SYTL5: variants seen among roughly 807,000 people sequenced by gnomAD.
SYTL5 encodes synaptotagmin like 5, also known as synaptotagmin-like protein 5.
SYTL5 carries 34 observed loss-of-function variants against 55.9 expected under a neutral mutation model. The observed-to-expected ratio is 0.61, with a 90% CI of 0.46 to 0.81. The LOEUF is 0.81. SYTL5 is among the 30% of genes least tolerant of loss of function. The probability of loss-of-function intolerance (pLI) is 0.00; values close to 1 mark genes in which losing one functional copy is unlikely to be tolerated. For synonymous variants in SYTL5, 221 were observed against 188.7 expected (o/e 1.17, Z -1.40); for missense variants, 637 against 546.7 (o/e 1.17, Z -1.65).
At position 38,079,249 on chromosome X, in the gene SYTL5, C is replaced by T. The variant is rs190138168; in HGVS notation, c.689+2548C>T. Among the ~76,000 whole-genome samples the T allele has an allele frequency of 8.4e-3, 936 of 111,682 alleles. 11 individuals carry two copies. Among genetic ancestry groups the T allele is most frequent in the African/African-American group, 0.029 (898 of 30,714 alleles). On this transcript the variant is annotated intron_variant, in intron 6 of 16. Transcript: ENST00000297875. ...TTTTTTCATGGATCATTGGTATTTT[C>T]ATGGAGCAGCTGGGCTTCGGCATTC...
intron 14 of SYTL5, 148 bp from the exon 15 acceptor site, chrX:38,121,932 A>T: frequency 1.9e-6 from 1 of 516,436 alleles, no homozygotes; most frequent in Non-Finnish European, 2.8e-6. Flanking sequence ...AAATGAATAA[A>T]AATATACAAT....
intron 4 of SYTL5, among the ~76,000 whole-genome samples, chrX:38,072,478 C>T (rs1382445907): frequency 8.9e-6 from 1 of 112,666 alleles, no homozygotes; most frequent in African/African-American, 3.2e-5. Flanking sequence ...TAACATAAAA[C>T]AGATGAATTA....
the SYTL5 span, among the ~76,000 whole-genome samples, chrX:37,956,186 G>T: frequency 8.9e-6 from 1 of 111,829 alleles, no homozygotes; most frequent in Non-Finnish European, 1.9e-5. Context: ...CCTAGTTGCT[G>T]GTTCTTGTCT....
chrX:37,934,541 C>T, the SYTL5 span, among the ~76,000 whole-genome samples: 2 of 108,916 alleles, frequency 1.8e-5, no homozygotes, highest in African/African-American at 6.7e-5. Context: ...GCCTAAGAGA[C>T]CTGTGGGACA....
the SYTL5 span, among the ~76,000 whole-genome samples, chrX:37,956,480 C>A: frequency 1.7e-4 from 19 of 112,189 alleles, no homozygotes; most frequent in Non-Finnish European, 3.0e-4. Context: ...AACTGCCACT[C>A]TAATTTCTGC....
chrX:37,899,675 A>G, the SYTL5 span, among the ~76,000 whole-genome samples: 1 of 111,785 alleles, frequency 8.9e-6, no homozygotes, highest in Non-Finnish European at 1.9e-5. Context: ...GCCCCATGAC[A>G]CTGGTGTGCT....
chrX:38,108,747 T>C (rs1937281032), intron 12 of SYTL5, 48 bp downstream of exon 12: 1 of 824,018 alleles, frequency 1.2e-6, no homozygotes, highest in East Asian at 3.4e-5. Flanking sequence ...TGTTCACAAC[T>C]TCAATGGTTT....
At chrX:38,042,617 A>T (rs1935320525) in intron 2 of SYTL5, among the ~76,000 whole-genome samples, 1 of 111,191 alleles carries the variant, frequency 9.0e-6, no homozygotes, top group Non-Finnish European at 1.9e-5. Context: ...ATTGGTATAG[A>T]GGTCATGTCT....
chrX:37,984,399 C>T, the SYTL5 span, among the ~76,000 whole-genome samples: 1 of 111,482 alleles, frequency 9.0e-6, no homozygotes, highest in Admixed American at 9.5e-5. Context: ...GGACAAATTA[C>T]TAGAAAGGCA....
upstream of SYTL5, among the ~76,000 whole-genome samples, chrX:38,002,943 A>G (rs1398676139): frequency 1.3e-4 from 14 of 111,789 alleles, no homozygotes; most frequent in Non-Finnish European, 2.4e-4. Flanking sequence ...GTCCTTGCCC[A>G]TGCCTATGTC....
At chrX:38,065,108 C>G (rs754125004) in intron 3 of SYTL5, among the ~76,000 whole-genome samples, 141 of 111,534 alleles carry the variant, frequency 1.3e-3, no homozygotes, top group African/African-American at 4.4e-3. Flanking sequence ...TTATATTTAA[C>G]TTTGCAAATC....
intron 2 of SYTL5, among the ~76,000 whole-genome samples, chrX:38,042,082 A>G (rs759787585): frequency 6.3e-5 from 7 of 111,102 alleles, no homozygotes; most frequent in South Asian, 7.7e-4. Flanking sequence ...TATATCTATT[A>G]TCTGTATCTA....
chrX:37,950,142 A>AT, the SYTL5 span, among the ~76,000 whole-genome samples: 1 of 111,348 alleles, frequency 9.0e-6, no homozygotes, highest in Non-Finnish European at 1.9e-5. Context: ...AGTTTGAAAG[A>AT]TTTTCTCTCA....
intron 6 of SYTL5, among the ~76,000 whole-genome samples, chrX:38,083,785 TG>T (rs1936599843): frequency 9.5e-6 from 1 of 105,196 alleles, no homozygotes; most frequent in Non-Finnish European, 1.9e-5. Context: ...TGTGTGTGTG[TG>T]TGTGTGTGTG....
In SYTL5 at chrX:38,042,641, G is replaced by T. The variant is rs1192270970; in HGVS notation, c.119+8633G>T. The stretch of plus-strand genomic sequence containing the variant: ...GAGGTCATGTCTCTAGGCAGCAGGG[G>T]TTAGTTGGCACTCACATCCCAAGAA... On this transcript the variant is annotated intron_variant, in intron 2 of 16. Transcript: ENST00000297875. 3.6e-5 allele frequency among the ~76,000 whole-genome samples: 4 copies of T among 110,867 alleles called. No individual in the cohort carries two copies. In the East Asian group the frequency reaches 1.1e-3, roughly 31 times the overall value.
chrX:38,070,307 A>G (rs936659911), intron 3 of SYTL5, among the ~76,000 whole-genome samples: 15 of 111,011 alleles, frequency 1.4e-4, no homozygotes, highest in African/African-American at 4.6e-4. Context: ...AAATGGATAT[A>G]ATATTCTGGG....
chrX:38,095,532 T>C (rs1936911597), intron 8 of SYTL5, among the ~76,000 whole-genome samples: 1 of 111,905 alleles, frequency 8.9e-6, no homozygotes, highest in South Asian at 3.7e-4. Flanking sequence ...AAGAGGTGCA[T>C]TGCTCTGTAA....
At chrX:37,970,333 T>C in the SYTL5 span, among the ~76,000 whole-genome samples, 20 of 101,843 alleles carry the variant, frequency 2.0e-4, no homozygotes, top group Non-Finnish European at 3.5e-4. Context: ...TTCTTTCCTA[T>C]ATAAAATTAC....
chrX:37,947,417 A>T, the SYTL5 span, among the ~76,000 whole-genome samples: 1 of 111,318 alleles, frequency 9.0e-6, no homozygotes, highest in Non-Finnish European at 1.9e-5. Flanking sequence ...GTTTAAAAGG[A>T]TGTGGCTTTC....
Sources: allele counts gnomAD v4.1 joint callset (sites outside exome capture counted in the v4.1 genomes callset), GRCh38; gene constraint gnomAD v4.1.1; transcripts MANE v1.5; gene names NCBI Gene and HGNC (gene_info 2026-07-23, HGNC 2026-07-21).